DNAH17: variants seen among roughly 807,000 people sequenced by gnomAD.
DNAH17 encodes axonemal beta dynein heavy chain 17.
In DNAH17, 376 loss-of-function variants were observed where a neutral mutation model predicts 485.6. That is an observed-to-expected ratio of 0.77 (90% CI 0.71 to 0.84). The LOEUF is 0.84. Among genes scored for constraint, DNAH17 ranks in the 40% least tolerant of loss-of-function variants. The pLI, the probability that DNAH17 is intolerant of heterozygous loss-of-function variation, is 0.00. For missense variants in DNAH17, 6,370 were observed against 5,839.3 expected (o/e 1.09, Z -2.96); for synonymous variants, 3,031 against 2,405.9 (o/e 1.26, Z -7.60).
At position 78,507,739 on chromosome 17, in the gene DNAH17, C is replaced by A; in HGVS notation, c.4303G>T (p.Gly1435Cys). ...EFQHEPHPRT[G>C]TMMLKSSEVL... ...TCGCTGGACTTGAGCATCATGGTGC[C>A]TGTCCGCGGGTGCGGCTCGTGCTGG... The change falls in exon 28 of 81, where the codon GGC becomes TGC. Residue 1435 changes from glycine to cysteine, a missense_variant. Transcript: ENST00000389840. 1 of 1,603,358 alleles carries A rather than the reference C, an allele frequency of 6.2e-7. No homozygotes were observed. Among genetic ancestry groups the A allele is most frequent in the Middle Eastern group, 1.7e-4 (1 of 6,058 alleles).
intron 35 of DNAH17, 97 bp from the exon 36 acceptor site, chr17:78,500,558 GAGTGC>G (rs1442137749): frequency 4.0e-6 from 5 of 1,253,264 alleles, no homozygotes; most frequent in Admixed American, 3.0e-5. Context: ...ACCCAGGCTG[GAGTGC>G]AGTGGTACAA....
Position 78,463,082 on chromosome 17 carries a change from A to G in DNAH17, c.8941-5T>C. 3 of 1,613,200 alleles carry G rather than the reference A, an allele frequency of 1.9e-6. No homozygotes were observed. The highest frequency in any genetic ancestry group is 1.1e-5 in the South Asian group (1 of 90,976). ...GATGGAGGCCTTGACTTCCCACTACAAAGATGAGACAGCCAGTCATCCCTG... is the reference window on the plus strand; with the variant it reads ...GATGGAGGCCTTGACTTCCCACTACGAAGATGAGACAGCCAGTCATCCCTG... On this transcript the variant is annotated splice_region_variant and splice_polypyrimidine_tract_variant and intron_variant, in intron 56 of 80. Coordinates refer to ENST00000389840, the MANE Select transcript of DNAH17 (RefSeq NM_173628.4).
chr17:78,425,172 C>CT (rs1457968359), intron 80 of DNAH17, 174 bp downstream of exon 80: 1 of 637,310 alleles, frequency 1.6e-6, no homozygotes, highest in East Asian at 2.8e-5. Flanking sequence ...TCTCAACCCT[C>CT]TCTAGGGTCA....
intron 51 of DNAH17, among the ~76,000 whole-genome samples, chr17:78,478,218 TCACCACATCACCATCAC>T (rs1353567402): frequency 1.4e-5 from 2 of 143,244 alleles, no homozygotes; most frequent in African/African-American, 5.4e-5. Context: ...ACCACCATCA[TCACCACATCACCATCAC>T]CACCATCATC....
chr17:78,466,195 T>C (rs1199505479), intron 56 of DNAH17, among the ~76,000 whole-genome samples: 3 of 152,202 alleles, frequency 2.0e-5, no homozygotes, highest in Non-Finnish European at 4.4e-5. Flanking sequence ...TTAAGGGCGG[T>C]GCAAGATGTG....
rs773239530 is a variant in DNAH17 at position 78,479,484 on chromosome 17, C to T, written c.7900+1G>A. ...AGAGGGGATGAGGCCAGCCAGCTTACCCAGGGCCGCGGCCACCAGCTGGCT... is the reference window on the plus strand; with the variant it reads ...AGAGGGGATGAGGCCAGCCAGCTTATCCAGGGCCGCGGCCACCAGCTGGCT... On this transcript the variant is annotated splice_donor_variant, in intron 50 of 80. Transcript: ENST00000389840. LOFTEE classifies it high-confidence loss of function. The T allele has an allele frequency of 6.2e-7, 1 of 1,610,060 alleles. No homozygotes were observed. The highest frequency in any genetic ancestry group is 2.2e-5 in the East Asian group (1 of 44,796).
rs1165905158 is a variant in DNAH17, at chr17:78,451,506, A to G, written c.10697T>C (p.Val3566Ala). ...CAGATCTGGGCGCTCTTTGGCCACC[A>G]CAGCGGCCAAGAGTTGGTCCTCGAG... ...DGLEDQLLAAVVAKERPDLEQ... is the reference protein window; with the variant it reads ...DGLEDQLLAAAVAKERPDLEQ... Residue 3566 changes from valine to alanine, a missense_variant, in exon 66 of 81, where the codon GTG (valine) becomes GCG (alanine). Transcript: ENST00000389840. 2 of 1,613,466 alleles carry G rather than the reference A, an allele frequency of 1.2e-6. No individual in the cohort carries two copies. Among genetic ancestry groups the G allele is most frequent in the Non-Finnish European group, 1.7e-6 (2 of 1,179,702 alleles).
intron 75 of DNAH17, 116 bp downstream of exon 75, chr17:78,433,913 A>AAGGGAGGGAAGGAAGGAGGG: frequency 2.0e-6 from 1 of 507,692 alleles, no homozygotes; most frequent in Non-Finnish European, 2.7e-6. Context: ...ACCAAAAGGA[A>AAGGGAGGGAAGGAAGGAGGG]AGGGAGGGAA....
chr17:78,447,007 T>A (rs2087337027), intron 69 of DNAH17, among the ~76,000 whole-genome samples: 1 of 151,968 alleles, frequency 6.6e-6, no homozygotes, highest in Admixed American at 6.6e-5. Context: ...GCTGTGATCA[T>A]GGCTCACTGC....
chr17:78,435,297 G>A (rs2086820697), intron 74 of DNAH17, among the ~76,000 whole-genome samples: 1 of 152,184 alleles, frequency 6.6e-6, no homozygotes, highest in Non-Finnish European at 1.5e-5. Flanking sequence ...CCGATCCGGT[G>A]CTTTTCACCA....
chr17:78,424,522 G>A (rs929530922), intron 80 of DNAH17: 8 of 223,800 alleles, frequency 3.6e-5, no homozygotes, highest in Admixed American at 2.5e-4. Flanking sequence ...TGCCCTATGT[G>A]TACATACACA....
At chr17:78,481,427 G>A (rs1348695661) in intron 48 of DNAH17, among the ~76,000 whole-genome samples, 10 of 152,116 alleles carry the variant, frequency 6.6e-5, no homozygotes, top group Non-Finnish European at 2.9e-5. Context: ...ATGTGAAGCA[G>A]CTGCTGTGAC....
chr17:78,543,641 T>G, intron 17 of DNAH17: 2 of 666,316 alleles, frequency 3.0e-6, no homozygotes, highest in Non-Finnish European at 5.1e-6. Flanking sequence ...GTCAAGCTGG[T>G]CTCGATCTCC....
At chr17:78,564,593 T>A (rs893524781) in intron 11 of DNAH17, among the ~76,000 whole-genome samples, 2 of 152,124 alleles carry the variant, frequency 1.3e-5, no homozygotes, top group African/African-American at 4.8e-5. Context: ...TTTTGTGTTA[T>A]CCTTCAGGGG....
chr17:78,473,462 T>G (rs2088862317), intron 54 of DNAH17, among the ~76,000 whole-genome samples: 1 of 143,608 alleles, frequency 7.0e-6, no homozygotes, highest in African/African-American at 2.7e-5. Flanking sequence ...GAGAATGGTG[T>G]GAACCCGGGA....
intron 25 of DNAH17, among the ~76,000 whole-genome samples, chr17:78,515,275 G>A (rs767945222): frequency 6.6e-6 from 1 of 152,214 alleles, no homozygotes; most frequent in Non-Finnish European, 1.5e-5. Context: ...TTGGGAGGCC[G>A]AGGTGAGCAG....
At position 78,495,801 on chromosome 17, in the gene DNAH17, A is replaced by G. The variant is rs1215815963; in HGVS notation, c.5903+74T>C. On this transcript the variant is annotated intron_variant, in intron 38 of 80. Coordinates refer to ENST00000389840, the MANE Select transcript of DNAH17 (RefSeq NM_173628.4). ...TGCCCTCTGCCCCTCCCCTCTGCCCACTCCTTGGCACTGGGACGTTGCTGT... is the reference window on the plus strand; with the variant it reads ...TGCCCTCTGCCCCTCCCCTCTGCCCGCTCCTTGGCACTGGGACGTTGCTGT... The G allele has an allele frequency of 1.1e-5, 17 of 1,533,390 alleles. No homozygotes were observed. The East Asian group carries it at 3.7e-4, about 33-fold the overall frequency. The allele number at this position is 1,533,390 out of a possible 1,614,324, so 95.0% of individuals were successfully genotyped here.
chr17:78,484,871 T>G lies in DNAH17; in HGVS notation c.7646A>C (p.His2549Pro). ...TLIRQHMDHRHWYDRHKLTLK... is the reference protein window; with the variant it reads ...TLIRQHMDHRPWYDRHKLTLK... Reference sequence around the variant, plus strand: ...CTCCGGCCCCGCCCCGTCTAACCAGTGCCGGTGGTCCATGTGCTGCCGGAT... The same window carrying G: ...CTCCGGCCCCGCCCCGTCTAACCAGGGCCGGTGGTCCATGTGCTGCCGGAT... The change falls in exon 48 of 81, where the codon CAC becomes CCC. Residue 2549 changes from histidine (H) to proline (P), a missense_variant. Transcript: ENST00000389840. 2 of 1,558,484 alleles carry G rather than the reference T, an allele frequency of 1.3e-6. No individual in the cohort carries two copies. Among genetic ancestry groups the G allele is most frequent in the Non-Finnish European group, 1.7e-6 (2 of 1,151,262 alleles).
chr17:78,454,962 T>C (rs557604468), intron 63 of DNAH17, among the ~76,000 whole-genome samples: 1 of 151,618 alleles, frequency 6.6e-6, no homozygotes, highest in Admixed American at 6.6e-5. Context: ...CAGGCTGGAG[T>C]GCAGTGGTGT....
Sources: allele counts gnomAD v4.1 joint callset (sites outside exome capture counted in the v4.1 genomes callset), GRCh38; gene constraint gnomAD v4.1.1; transcripts MANE v1.5; gene names NCBI Gene and HGNC (gene_info 2026-07-23, HGNC 2026-07-21).